The following LAMA5 variants were observed in gnomAD, a reference collection of about 807,000 sequenced individuals.
LAMA5 encodes laminin subunit alpha 5.
Under a neutral mutation model 433.4 loss-of-function variants are expected in LAMA5, and 260 were observed. The observed-to-expected ratio is 0.60, with a 90% confidence interval of 0.54 to 0.66. LAMA5 has a LOEUF of 0.66. Among genes scored for constraint, LAMA5 ranks in the 30% least tolerant of loss-of-function variants. LAMA5 has a pLI of 0.00. For missense variants in LAMA5, 5,378 were observed against 5,258.5 expected (o/e 1.02, Z -0.70); for synonymous variants, 2,620 against 2,226.6 (o/e 1.18, Z -4.97).
In LAMA5 at chr20:62,336,333, C is replaced by T. The variant is rs1981622541; in HGVS notation, c.2323+7G>A. The T allele has an allele frequency of 1.3e-6, 2 of 1,592,536 alleles. No individual in the cohort carries two copies. The highest frequency in any genetic ancestry group is 1.7e-6 in the Non-Finnish European group (2 of 1,166,208). ...CCCTGTACCCCAATACTCCAGGGCA[C>T]ACTCACGGGTACAGCCCTCGGGGTT... On this transcript the variant is annotated splice_region_variant and intron_variant, in intron 18 of 79. Coordinates refer to ENST00000252999, the MANE Select transcript of LAMA5 (RefSeq NM_005560.6).
chr20:62,323,381 G>C lies in LAMA5; in HGVS notation c.6064+75C>G, dbSNP rs577904596. 1.7e-6 allele frequency: 2 copies of C among 1,211,662 alleles called. 1 individual carries two copies. The highest frequency in any genetic ancestry group is 5.1e-5 in the Admixed American group (2 of 39,270). 75.1% of individuals were successfully genotyped at this position (1,211,662 alleles called of 1,614,324 possible). The stretch of plus-strand genomic sequence containing the variant: ...AGCATCAGGCACACAGCCTACTTAC[G>C]GGGTACGCCCAGCAGGCCTCCCTCC... On this transcript the variant is annotated intron_variant, in intron 45 of 79. Coordinates refer to ENST00000252999, the MANE Select transcript of LAMA5 (RefSeq NM_005560.6).
At chr20:62,333,733 T>C in intron 23 of LAMA5, 27 bp from the exon 24 acceptor site, 3 of 1,552,582 alleles carry the variant, frequency 1.9e-6, no homozygotes, top group Non-Finnish European at 2.6e-6. Flanking sequence ...GTGAGACTCC[T>C]GAGCCCAGCC....
chr20:62,314,813 C>T lies in LAMA5; in HGVS notation c.8182G>A (p.Gly2728Arg). The T allele has an allele frequency of 1.2e-6, 2 of 1,612,884 alleles. No homozygotes were observed. Residue 2728 changes from glycine (G) to arginine (R), a missense_variant, in exon 60 of 80, where the codon GGG becomes AGG. By Grantham distance (125) the Gly-to-Arg change is moderately radical. Transcript: ENST00000252999. ...RVRELIAQAR[G>R]AASKVKVPMK... ...CTCTCACCCACCTTACTGGCAGCCC[C>T]CCGGGCCTGGGCAATGAGCTCTCGC...
rs1346797273 is a variant in LAMA5, at chr20:62,327,569, G to A, written c.4898C>T (p.Ala1633Val). 1.2e-6 allele frequency: 2 copies of A among 1,612,896 alleles called. No homozygotes were observed. Among genetic ancestry groups the A allele is most frequent in the Middle Eastern group, 3.3e-4 (2 of 6,062 alleles). Residue 1633 changes from alanine to valine, a missense_variant, in exon 37 of 80, where the codon GCC (alanine) becomes GTC (valine). By Grantham distance (64) the Ala-to-Val change is moderately conservative. Coordinates refer to ENST00000252999, the MANE Select transcript of LAMA5 (RefSeq NM_005560.6). Reference protein sequence around the residue: ...KGCTRCFCFGATERCRSSSYT... With the variant: ...KGCTRCFCFGVTERCRSSSYT... Reference sequence around the variant, plus strand: ...GGACGAGCTCCGGCAGCGCTCCGTGGCCCCAAAGCAGAAGCAGCGGGTGCA... The same window carrying A: ...GGACGAGCTCCGGCAGCGCTCCGTGACCCCAAAGCAGAAGCAGCGGGTGCA...
intron 28 of LAMA5, among the ~76,000 whole-genome samples, chr20:62,331,966 C>T (rs1054225928): frequency 1.3e-5 from 2 of 151,862 alleles, no homozygotes; most frequent in Admixed American, 1.3e-4. Context: ...GCACGAGAAT[C>T]GCTTGAACCC....
At chr20:62,346,309 C>A (rs1983355689) in intron 9 of LAMA5, 94 bp from the exon 10 acceptor site, 1 of 1,485,570 alleles carries the variant, frequency 6.7e-7, no homozygotes, top group Admixed American at 2.0e-5. Flanking sequence ...CAGCCAGGGC[C>A]ATGGGGATGA....
chr20:62,346,727 G>A lies in LAMA5; in HGVS notation c.1146C>T (p.Ser382=). 1 of 1,613,194 alleles carries A rather than the reference G, an allele frequency of 6.2e-7. No homozygotes were observed. The highest frequency in any genetic ancestry group is 2.2e-5 in the East Asian group (1 of 44,864). The stretch of plus-strand genomic sequence containing the variant: ...CCCCACCCTGATAGGTGCCATCCAG[G>A]CTCTGGCTGGCGCGGCGCCGGTCCA... ...PEVDRRRASQ[S]LDGTYQGGGV... is the part of the protein sequence containing the mutation. Residue 382 remains serine (S), a synonymous_variant, in exon 8 of 80, where the codon AGC becomes AGT. Coordinates refer to ENST00000252999, the MANE Select transcript of LAMA5 (RefSeq NM_005560.6).
rs1301449433 is a variant in LAMA5 at position 62,330,744 on chromosome 20, T to C, written c.3851A>G (p.Gln1284Arg). 4 of 1,559,228 alleles carry C rather than the reference T, an allele frequency of 2.6e-6. No individual in the cohort carries two copies. The highest frequency in any genetic ancestry group is 3.5e-6 in the Non-Finnish European group (4 of 1,152,348). Reference protein sequence around the residue: ...DAEPTLLREPQATVVFTTHVP... With the variant: ...DAEPTLLREPRATVVFTTHVP... ...CCCTCTAGAGACTATGGCCCTCACCTGGGGCTCACGCAGCAGGGTGGGCTC... is the reference window on the plus strand; with the variant it reads ...CCCTCTAGAGACTATGGCCCTCACCCGGGGCTCACGCAGCAGGGTGGGCTC... The change falls in exon 30 of 80, where the codon CAG (glutamine) becomes CGG (arginine). Residue 1284 changes from glutamine (Q) to arginine (R), a missense_variant and splice_region_variant. Transcript: ENST00000252999.
rs760085723 is a variant in LAMA5 at position 62,310,456 on chromosome 20, G to A, written c.10563C>T (p.Gly3521=). The A allele has an allele frequency of 6.2e-7, 1 of 1,601,662 alleles. No homozygotes were observed. Residue 3521 remains glycine (G), a synonymous_variant, in exon 76 of 80, where the codon GGC becomes GGT. Coordinates refer to ENST00000252999, the MANE Select transcript of LAMA5 (RefSeq NM_005560.6). The stretch of plus-strand genomic sequence containing the variant: ...CTCCCCCGCTGCCTGGGAAGAACAG[G>A]CCCGCCTCCAGGGGGCCCAAGATGC... ...TPCILGPLEA[G]LFFPGSGGVI...
rs764229559 is a variant in LAMA5, at chr20:62,324,070, G to A, written c.5768+10C>T. 7.3e-6 allele frequency: 11 copies of A among 1,502,116 alleles called. No individual in the cohort carries two copies. The highest frequency in any genetic ancestry group is 8.9e-6 in the Non-Finnish European group (10 of 1,128,480). 93.0% of individuals were successfully genotyped at this position (1,502,116 alleles called of 1,614,324 possible). The stretch of plus-strand genomic sequence containing the variant: ...CATCAGGGCCTCGTCCCGGGAGGAG[G>A]CTGGCTTACTTGTTGGAAGGCACTG... On this transcript the variant is annotated intron_variant, in intron 43 of 79. Transcript: ENST00000252999. The surrounding 1 kb of genome is among the most constrained non-coding windows in gnomAD (Gnocchi z 4.4).
rs768486858 is a variant in LAMA5 at position 62,310,989 on chromosome 20, A to G, written c.10194T>C (p.Asn3398=). The G allele has an allele frequency of 3.7e-6, 6 of 1,611,378 alleles. No homozygotes were observed. In the East Asian group the frequency reaches 8.9e-5, roughly 24 times the overall value. ...CTTCCATCTGTGCAACGAAGTGGCCATTGCTCAGGAAGAGCGCCAGGGAGG... is the reference window on the plus strand; with the variant it reads ...CTTCCATCTGTGCAACGAAGTGGCCGTTGCTCAGGAAGAGCGCCAGGGAGG... The part of the protein sequence containing the change: ...GSPSLALFLS[N]GHFVAQMEGL... The change falls in exon 74 of 80, where the codon AAT becomes AAC. Residue 3398 remains asparagine, a synonymous_variant. Transcript: ENST00000252999.
intron 40 of LAMA5, chr20:62,326,339 A>G: frequency 4.3e-6 from 1 of 232,982 alleles, no homozygotes; most frequent in East Asian, 9.1e-5. Context: ...AAAGAACTCT[A>G]AAAGGATGGA....
chr20:62,347,018 T>G lies in LAMA5; in HGVS notation c.967A>C (p.Thr323Pro), dbSNP rs1601396791. The G allele has an allele frequency of 1.9e-6, 3 of 1,610,828 alleles. No individual in the cohort carries two copies. The highest frequency in any genetic ancestry group is 1.7e-6 in the Non-Finnish European group (2 of 1,179,640). ...DPTDPFRLQCTCQHNTCGGTC... is the reference protein window; with the variant it reads ...DPTDPFRLQCPCQHNTCGGTC... The stretch of plus-strand genomic sequence containing the variant: ...CCCCCGCAGGTGTTGTGCTGGCAGG[T>G]GCACTGCAGCCTGTGGGGTACACAG... The change falls in exon 7 of 80, where the codon ACC (threonine) becomes CCC (proline). Residue 323 changes from threonine (T) to proline (P), a missense_variant. By Grantham distance (38) the Thr-to-Pro change is conservative. Transcript: ENST00000252999.
intron 51 of LAMA5, 76 bp downstream of exon 51, chr20:62,319,608 C>T (rs533145320): frequency 1.4e-4 from 146 of 1,047,740 alleles, no homozygotes; most frequent in East Asian, 8.7e-4. Flanking sequence ...AGGCCAAGCT[C>T]GGCCAGGCAC....
intron 5 of LAMA5, 41 bp from the exon 6 acceptor site, chr20:62,351,842 C>T: frequency 6.3e-7 from 1 of 1,583,028 alleles, no homozygotes; most frequent in Non-Finnish European, 8.6e-7. Flanking sequence ...GGCCAGGCCT[C>T]ACTCACCCTG....
At chr20:62,332,977 C>G (rs147998554) in intron 26 of LAMA5, 113 bp downstream of exon 26, 12,777 of 950,336 alleles carry the variant, frequency 0.013, 66 homozygotes, top group Non-Finnish European at 0.016. Context: ...GTGCTGGGCT[C>G]CATTGCCTGA....
In LAMA5 at chr20:62,318,971, G is replaced by T; in HGVS notation, c.6914C>A (p.Ser2305Ter). Residue 2305 changes from serine to a stop codon, truncating the protein, a stop_gained, in exon 52 of 80, where the codon TCG becomes TAG. Coordinates refer to ENST00000252999, the MANE Select transcript of LAMA5 (RefSeq NM_005560.6). LOFTEE classifies it high-confidence loss of function. Reference protein sequence around the residue: ...QTGHLGLANASAPSGEQLLRT... With the variant: ...QTGHLGLANA ...GAGCAGCTGCTCACCTGATGGAGCCGAGGCATTGGCCAGCCCCAGGTGGCC... is the reference window on the plus strand; with the variant it reads ...GAGCAGCTGCTCACCTGATGGAGCCTAGGCATTGGCCAGCCCCAGGTGGCC... The T allele has an allele frequency of 6.3e-7, 1 of 1,594,404 alleles. No homozygotes were observed. Among genetic ancestry groups the T allele is most frequent in the Non-Finnish European group, 8.5e-7 (1 of 1,172,816 alleles).
At chr20:62,311,816 T>TTGCGCCC in intron 70 of LAMA5, 32 bp from the exon 71 acceptor site, 1 of 1,521,014 alleles carries the variant, frequency 6.6e-7, no homozygotes. Flanking sequence ...GCTCGGTTTT[T>TTGCGCCC]CCCCACCCTG....
chr20:62,366,237 G>C (rs1568996747), intron 1 of LAMA5, among the ~76,000 whole-genome samples: 2 of 152,194 alleles, frequency 1.3e-5, no homozygotes, highest in Admixed American at 6.5e-5. Flanking sequence ...TTTCAGGTGA[G>C]GTGTCCATGC....
Sources: allele counts gnomAD v4.1 joint callset (sites outside exome capture counted in the v4.1 genomes callset), GRCh38; gene constraint gnomAD v4.1.1; non-coding constraint Gnocchi (gnomAD v3.1); transcripts MANE v1.5; gene names NCBI Gene and HGNC (gene_info 2026-07-23, HGNC 2026-07-21).